The following SIL1 variants were observed in gnomAD, a reference collection of about 807,000 sequenced individuals.
SIL1 encodes the protein SIL1 nucleotide exchange factor.
SIL1 carries 40 observed loss-of-function variants against 49.1 expected under a neutral mutation model. The observed-to-expected ratio is 0.81, with a 90% confidence interval of 0.63 to 1.06. The LOEUF (loss-of-function observed/expected upper bound fraction) is 1.06, where lower values mean the gene tolerates loss of function less well. Among genes scored for constraint, SIL1 ranks in the 50% least tolerant of loss-of-function variants. SIL1 has a pLI of 0.00. For synonymous variants in SIL1, 253 were observed against 250.8 expected (o/e 1.01, Z -0.08); for missense variants, 500 against 572.6 (o/e 0.87, Z 1.29).
At chr5:138,966,355 C>T (rs954004532) in intron 7 of SIL1, among the ~76,000 whole-genome samples, 1 of 152,148 alleles carries the variant, frequency 6.6e-6, no homozygotes. Context: ...GAGGAGTGGA[C>T]CACCCGGCCG....
intron 1 of SIL1, among the ~76,000 whole-genome samples, chr5:139,169,845 C>CCCACAGTCTCCCTCTCCCTCTTT (rs1561888494): frequency 8.3e-5 from 7 of 84,066 alleles, no homozygotes; most frequent in Admixed American, 2.5e-4. Context: ...TCTCCCTCTC[C>CCCACAGTCTCCCTCTCCCTCTTT]CCACGGTCTC....
intron 1 of SIL1, among the ~76,000 whole-genome samples, chr5:139,183,666 G>A (rs534026314): frequency 4.1e-4 from 62 of 152,326 alleles, no homozygotes; most frequent in African/African-American, 1.4e-3. Flanking sequence ...GCACAGGGAA[G>A]CGGATGATTC....
chr5:139,063,888 G>T (rs145913404), intron 3 of SIL1, among the ~76,000 whole-genome samples: 1,785 of 152,290 alleles, frequency 0.012, 35 homozygotes, highest in African/African-American at 0.04. Context: ...AGACCCAAAT[G>T]AAAGTGCTAA....
intron 1 of SIL1, among the ~76,000 whole-genome samples, chr5:139,159,003 G>A (rs1341242574): frequency 6.6e-6 from 1 of 151,414 alleles, no homozygotes; most frequent in African/African-American, 2.4e-5. Flanking sequence ...TAATACCCTA[G>A]AACTAATCAT....
At chr5:138,978,705 A>T (rs1767445292) in intron 7 of SIL1, among the ~76,000 whole-genome samples, 2 of 152,148 alleles carry the variant, frequency 1.3e-5, no homozygotes, top group Non-Finnish European at 2.9e-5. Context: ...ACTTGTTATT[A>T]TCTATCTTTT....
chr5:139,018,765 T>C (rs754519070), intron 7 of SIL1, among the ~76,000 whole-genome samples: 1 of 152,170 alleles, frequency 6.6e-6, no homozygotes, highest in Admixed American at 6.5e-5. Context: ...GGGGATGATA[T>C]TGATACCATC....
chr5:138,985,575 G>A (rs983877053), intron 7 of SIL1, among the ~76,000 whole-genome samples: 8 of 152,176 alleles, frequency 5.3e-5, no homozygotes, highest in Admixed American at 6.5e-5. Context: ...CAGGAAGGAA[G>A]GAACTCAGGG....
At chr5:138,987,415 A>T (rs1054594944) in intron 7 of SIL1, among the ~76,000 whole-genome samples, 1 of 152,144 alleles carries the variant, frequency 6.6e-6, no homozygotes, top group African/African-American at 2.4e-5. Flanking sequence ...CTAACTAGTC[A>T]TCCATTCTGG....
intron 1 of SIL1, among the ~76,000 whole-genome samples, chr5:139,148,893 A>T (rs1311452010): frequency 6.6e-6 from 1 of 152,220 alleles, no homozygotes; most frequent in East Asian, 1.9e-4. Flanking sequence ...CTTTCCAATT[A>T]TTCCATCCTG....
At chr5:139,087,624 G>T (rs985676594) in intron 3 of SIL1, among the ~76,000 whole-genome samples, 1 of 152,100 alleles carries the variant, frequency 6.6e-6, no homozygotes, top group Non-Finnish European at 1.5e-5. Context: ...TGGGAACTGG[G>T]GGAGCAATCA....
At chr5:139,174,468 G>A (rs1352116130) in intron 1 of SIL1, among the ~76,000 whole-genome samples, 1 of 151,720 alleles carries the variant, frequency 6.6e-6, no homozygotes, top group Admixed American at 6.6e-5. Context: ...GCAACAGGGT[G>A]AGACCCTGTC....
At chr5:139,009,137 T>C (rs1370903677) in intron 7 of SIL1, among the ~76,000 whole-genome samples, 2 of 151,550 alleles carry the variant, frequency 1.3e-5, no homozygotes, top group Non-Finnish European at 2.9e-5. Context: ...GTTATGAATC[T>C]GGGTGCTCCT....
At chr5:139,047,195 T>C (rs1293987191) in intron 4 of SIL1, among the ~76,000 whole-genome samples, 2 of 152,232 alleles carry the variant, frequency 1.3e-5, no homozygotes, top group Non-Finnish European at 2.9e-5. Flanking sequence ...TCCAAGAAGC[T>C]GGTTATTCCA....
intron 3 of SIL1, among the ~76,000 whole-genome samples, chr5:139,057,290 C>T (rs563355027): frequency 1.2e-3 from 122 of 103,522 alleles, no homozygotes; most frequent in Admixed American, 2.0e-3. Flanking sequence ...TCCCCCTCTG[C>T]GAGAAACACC....
At chr5:138,976,143 G>A (rs775760249) in intron 7 of SIL1, among the ~76,000 whole-genome samples, 26 of 152,066 alleles carry the variant, frequency 1.7e-4, no homozygotes, top group Non-Finnish European at 2.8e-4. Flanking sequence ...TGACCTTCAC[G>A]GCCCAGATAT....
At chr5:139,110,216 A>G (rs1006588608) in intron 3 of SIL1, among the ~76,000 whole-genome samples, 1 of 151,484 alleles carries the variant, frequency 6.6e-6, no homozygotes, top group African/African-American at 2.4e-5. Context: ...AAACTGGGAG[A>G]TGATGGAATA....
At chr5:139,075,298 T>G (rs1365557246) in intron 3 of SIL1, among the ~76,000 whole-genome samples, 1 of 152,132 alleles carries the variant, frequency 6.6e-6, no homozygotes, top group East Asian at 1.9e-4. Flanking sequence ...GATGGAAGCA[T>G]GACATTTTAA....
chr5:139,169,697 G>A (rs1159677064), intron 1 of SIL1, among the ~76,000 whole-genome samples: 5 of 151,810 alleles, frequency 3.3e-5, no homozygotes, highest in Admixed American at 6.6e-5. Context: ...TGGCCAGTCT[G>A]GTCTCAAACT....
chr5:139,133,249 A>G (rs1267771750), intron 1 of SIL1: 2 of 152,206 alleles, frequency 1.3e-5, no homozygotes, highest in African/African-American at 4.8e-5. Context: ...AAGAGACAAT[A>G]AGGTACTTGA....
Sources: allele counts gnomAD v4.1 joint callset (sites outside exome capture counted in the v4.1 genomes callset), GRCh38; gene constraint gnomAD v4.1.1; transcripts MANE v1.5; gene names NCBI Gene and HGNC (gene_info 2026-07-23, HGNC 2026-07-21).